CNTNAP3: variants seen among roughly 807,000 people sequenced by gnomAD.
The protein encoded by CNTNAP3 is contactin-associated protein-like 3.
CNTNAP3 carries 36 observed loss-of-function variants against 92.1 expected under a neutral mutation model. The observed-to-expected ratio is 0.39, with a 90% confidence interval of 0.30 to 0.52. The LOEUF is 0.52. CNTNAP3 is among the 20% of genes least tolerant of loss of function. CNTNAP3 has a pLI of 0.76. For synonymous variants in CNTNAP3, 232 were observed against 422.3 expected (o/e 0.55, Z 5.53); for missense variants, 534 against 1,069.6 (o/e 0.50, Z 6.98).
At chr9:39,170,362 CT>C (rs1156697543) in intron 8 of CNTNAP3, among the ~76,000 whole-genome samples, 1 of 99,232 alleles carries the variant, frequency 1.0e-5, no homozygotes, top group East Asian at 2.7e-4. Flanking sequence ...TGATTACCCC[CT>C]GGTCTCAAGC....
intron 12 of CNTNAP3, among the ~76,000 whole-genome samples, chr9:39,139,218 T>C (rs903191871): frequency 6.6e-6 from 1 of 152,130 alleles, no homozygotes; most frequent in Non-Finnish European, 1.5e-5. Flanking sequence ...AACCAACTTT[T>C]CTGAGCCTTG....
intron 18 of CNTNAP3, among the ~76,000 whole-genome samples, chr9:39,094,694 C>T (rs1397992283): frequency 3.3e-5 from 5 of 151,550 alleles, no homozygotes; most frequent in African/African-American, 1.2e-4. Flanking sequence ...AGCTCTATTC[C>T]ATTGATTTAT....
At chr9:39,099,813 T>C in intron 18 of CNTNAP3, 98 bp downstream of exon 18, 3 of 1,487,500 alleles carry the variant, frequency 2.0e-6, no homozygotes, top group Admixed American at 4.2e-5. Flanking sequence ...AATAATTCAA[T>C]CTTATCCTCT....
chr9:39,076,995 A>G (rs1825791787), intron 23 of CNTNAP3, among the ~76,000 whole-genome samples: 1 of 152,306 alleles, frequency 6.6e-6, no homozygotes, highest in East Asian at 1.9e-4. Context: ...ATTAATTAAC[A>G]AGGAAAGGTG....
At chr9:39,085,077 T>C (rs944189456) in intron 21 of CNTNAP3, 7 of 142,164 alleles carry the variant, frequency 4.9e-5, no homozygotes, top group African/African-American at 1.8e-4. Flanking sequence ...TTGAGTTACA[T>C]AAGATGGGTT....
rs1345487873 is a variant in CNTNAP3, at chr9:39,068,508, CAAT to C, written c.*5379_*5381del. On this transcript the variant is annotated 3_prime_UTR_variant, in exon 24 of 24. Transcript: ENST00000297668. ...GATGTTTAAAAAGATTCCTTGAGGT[CAAT>C]AATAATTTTTTAAAGGTTGATAAAT... Among the ~76,000 whole-genome samples, 8 of 152,378 alleles carry C rather than the reference CAAT, an allele frequency of 5.3e-5. No individual in the cohort carries two copies. In the East Asian group the frequency reaches 9.7e-4, roughly 18 times the overall value.
At chr9:39,083,393 G>A (rs1825990968) in intron 21 of CNTNAP3, among the ~76,000 whole-genome samples, 1 of 152,028 alleles carries the variant, frequency 6.6e-6, no homozygotes, top group South Asian at 2.1e-4. Flanking sequence ...AGGTGTGGTG[G>A]CTCACACCTG....
chr9:39,237,935 CTTA>C (rs757149433), intron 3 of CNTNAP3, among the ~76,000 whole-genome samples: 156 of 3,324 alleles, frequency 0.047, 70 homozygotes, highest in East Asian at 0.33. Flanking sequence ...GTAATAAATA[CTTA>C]TTATTATTAT....
intron 12 of CNTNAP3, among the ~76,000 whole-genome samples, chr9:39,139,271 T>G (rs1309499026): frequency 1.3e-5 from 2 of 152,150 alleles, no homozygotes; most frequent in African/African-American, 4.8e-5. Flanking sequence ...TCCTTCCTGG[T>G]TGTGACTTTG....
At chr9:39,105,701 G>A (rs1004462155) in intron 15 of CNTNAP3, among the ~76,000 whole-genome samples, 1 of 151,868 alleles carries the variant, frequency 6.6e-6, no homozygotes, top group Non-Finnish European at 1.5e-5. Flanking sequence ...CACATTTCTG[G>A]AATCAGCCAT....
At position 39,285,499 on chromosome 9, in the gene CNTNAP3, A is replaced by C. The variant is rs10739023; in HGVS notation, c.85+2481T>G. On this transcript the variant is annotated intron_variant, in intron 1 of 23. Coordinates refer to ENST00000297668, the MANE Select transcript of CNTNAP3 (RefSeq NM_033655.5). The stretch of plus-strand genomic sequence containing the variant: ...TCAGATAAACTGCACATAATCCCCA[A>C]AATGCCAAATGTTTAGAAAGCTTTT... Among the ~76,000 whole-genome samples, 2 of 54,934 alleles carry C rather than the reference A, an allele frequency of 3.6e-5. 1 individual carries two copies. The highest frequency in any genetic ancestry group is 8.2e-5 in the African/African-American group (2 of 24,408). 36.0% of individuals were successfully genotyped at this position (54,934 alleles called of 152,430 possible). A position where few individuals can be genotyped will look rare whatever the true frequency, so the allele number is the denominator to read the frequency against.
intron 11 of CNTNAP3, among the ~76,000 whole-genome samples, chr9:39,141,496 A>T (rs1821574733): frequency 6.6e-6 from 1 of 152,206 alleles, no homozygotes; most frequent in African/African-American, 2.4e-5. Flanking sequence ...GCTGAAATTC[A>T]AAACAGGAGA....
chr9:39,087,018 G>C (rs1229348993), intron 19 of CNTNAP3, among the ~76,000 whole-genome samples, 169 bp from the exon 20 acceptor site: 1 of 138,216 alleles, frequency 7.2e-6, no homozygotes, highest in South Asian at 2.4e-4. Flanking sequence ...GATTACTTAA[G>C]TGCTATTCCT....
At chr9:39,143,839 T>C (rs1249442348) in intron 11 of CNTNAP3, among the ~76,000 whole-genome samples, 4 of 152,196 alleles carry the variant, frequency 2.6e-5, no homozygotes, top group African/African-American at 9.6e-5. Context: ...AAATGTAGCA[T>C]TGACAGCCTG....
chr9:39,116,773 T>C (rs1041606486), intron 14 of CNTNAP3, among the ~76,000 whole-genome samples: 2 of 152,120 alleles, frequency 1.3e-5, no homozygotes, highest in Non-Finnish European at 2.9e-5. Context: ...ATGTATTCTA[T>C]AGAAAGCTCC....
chr9:39,148,494 G>A (rs559653997), intron 10 of CNTNAP3, among the ~76,000 whole-genome samples: 1 of 151,578 alleles, frequency 6.6e-6, no homozygotes, highest in Non-Finnish European at 1.5e-5. Context: ...GAAGAAGGCA[G>A]GTTTTGAAAG....
chr9:39,161,692 T>A (rs1402637329), intron 9 of CNTNAP3, among the ~76,000 whole-genome samples: 1 of 134,532 alleles, frequency 7.4e-6, no homozygotes, highest in Admixed American at 7.4e-5. Flanking sequence ...ATAATAATAA[T>A]AATAAATTAG....
intron 14 of CNTNAP3, 33 bp from the exon 15 acceptor site, chr9:39,109,320 T>C (rs748251343): frequency 6.2e-6 from 10 of 1,609,104 alleles, no homozygotes; most frequent in South Asian, 5.5e-5. Context: ...ATTAAAATTA[T>C]TCTGATTAAC....
At position 39,078,849 on chromosome 9, in the gene CNTNAP3, G is replaced by GCACC. The variant is rs1301929082; in HGVS notation, c.3510_3513dup (p.Arg1172GlyfsTer62). On this transcript the variant is annotated frameshift_variant, in exon 22 of 24. Transcript: ENST00000297668. LOFTEE classifies it high-confidence loss of function. ...TTCAGGGGAGCAGCGCGGCCGAAGCGCACCGCCGAGAGGCAGCCAGTGAAG... is the reference window on the plus strand; with the variant it reads ...TTCAGGGGAGCAGCGCGGCCGAAGCGCACCCACCGCCGAGAGGCAGCCAGTGAAG... The GCACC allele has an allele frequency of 6.5e-7, 1 of 1,533,152 alleles. No homozygotes were observed. Among genetic ancestry groups the GCACC allele is most frequent in the East Asian group, 2.4e-5 (1 of 40,878 alleles). 95.0% of individuals were successfully genotyped at this position (1,533,152 alleles called of 1,614,324 possible).
Sources: gnomAD v4.1 joint callset for allele counts (sites outside exome capture counted in the v4.1 genomes callset) on GRCh38, gnomAD v4.1.1 for gene constraint, MANE v1.5 for transcripts, NCBI Gene and HGNC (gene_info 2026-07-23, HGNC 2026-07-21) for gene names.